IQCK: variants seen among roughly 807,000 people sequenced by gnomAD.
IQCK encodes the protein IQ domain-containing protein K.
A neutral mutation model predicts 28.1 loss-of-function variants in IQCK; 29 were observed. The ratio of observed to expected loss-of-function variants is 1.03; its 90% CI spans 0.77 to 1.41. The LOEUF (loss-of-function observed/expected upper bound fraction) is 1.41. IQCK is among the 40% of genes most tolerant of loss of function. The probability of loss-of-function intolerance (pLI) is 0.00; values close to 1 mark genes in which losing one functional copy is unlikely to be tolerated. For synonymous variants in IQCK, 113 were observed against 115.1 expected (o/e 0.98, Z 0.12); for missense variants, 359 against 314.7 (o/e 1.14, Z -1.07).
intron 4 of IQCK, among the ~76,000 whole-genome samples, chr16:19,759,759 C>G (rs2055110341): frequency 6.6e-6 from 1 of 152,156 alleles, no homozygotes. Flanking sequence ...GGGAGGATCA[C>G]TTGAGCGCAA....
chr16:19,816,750 A>G (rs566531560), intron 7 of IQCK, among the ~76,000 whole-genome samples: 2 of 152,238 alleles, frequency 1.3e-5, no homozygotes, highest in Non-Finnish European at 2.9e-5. Flanking sequence ...GTAAGATTCA[A>G]CCTCAGAGCT....
chr16:19,842,575 T>C (rs1410409801), intron 9 of IQCK, among the ~76,000 whole-genome samples: 1 of 152,210 alleles, frequency 6.6e-6, no homozygotes, highest in Non-Finnish European at 1.5e-5. Flanking sequence ...AATAAATCCG[T>C]ATGTGAAATG....
chr16:19,850,163 G>C (rs1429418790), intron 9 of IQCK, among the ~76,000 whole-genome samples: 1 of 152,186 alleles, frequency 6.6e-6, no homozygotes, highest in Non-Finnish European at 1.5e-5. Flanking sequence ...GGATGCGGAA[G>C]TGAACACCTT....
chr16:19,854,102 G>A (rs964887717), intron 9 of IQCK, among the ~76,000 whole-genome samples: 6 of 152,220 alleles, frequency 3.9e-5, no homozygotes, highest in African/African-American at 1.4e-4. Flanking sequence ...CAACACACAG[G>A]AGCTTTACCT....
At chr16:19,858,336 T>G in exon 10 of IQCK, 1 of 441,836 alleles carries the variant, frequency 2.3e-6, no homozygotes, top group Non-Finnish European at 4.0e-6. Flanking sequence ...GGGAAAAAGG[T>G]CTCATTAAAT....
chr16:19,720,978 C>T (rs1977476101), intron 1 of IQCK, among the ~76,000 whole-genome samples: 1 of 151,372 alleles, frequency 6.6e-6, no homozygotes, highest in African/African-American at 2.4e-5. Context: ...TGCCACTGCA[C>T]TCCAGCCTGG....
chr16:19,736,270 TTTTTTC>T, intron 4 of IQCK: 1 of 421,720 alleles, frequency 2.4e-6, no homozygotes, highest in African/African-American at 2.1e-5. Context: ...GTTTAGTATC[TTTTTTC>T]TTTTTGAGAC....
At chr16:19,798,403 C>T (rs1442419701) in intron 7 of IQCK, among the ~76,000 whole-genome samples, 1 of 117,910 alleles carries the variant, frequency 8.5e-6, no homozygotes, top group Non-Finnish European at 1.5e-5. Context: ...GGCGACAGAG[C>T]CAGAGTCCAT....
intron 4 of IQCK, 69 bp downstream of exon 4, chr16:19,735,519 A>C (rs1977986173): frequency 8.0e-7 from 1 of 1,243,112 alleles, no homozygotes; most frequent in Non-Finnish European, 1.2e-6. Context: ...ATGATAGCTC[A>C]TTATCTTGGT....
At chr16:19,727,548 C>G (rs534556195) in intron 1 of IQCK, among the ~76,000 whole-genome samples, 255 of 151,212 alleles carry the variant, frequency 1.7e-3, no homozygotes, top group African/African-American at 5.9e-3. Context: ...GATCGTGCCA[C>G]TGCACTCCAG....
intron 9 of IQCK, among the ~76,000 whole-genome samples, chr16:19,847,627 G>C (rs757132294): frequency 6.6e-6 from 1 of 152,114 alleles, no homozygotes; most frequent in Non-Finnish European, 1.5e-5. Flanking sequence ...TTATGTCTGG[G>C]AGATGCAGCT....
At chr16:19,723,976 A>G (rs1294290408) in intron 1 of IQCK, among the ~76,000 whole-genome samples, 5 of 151,036 alleles carry the variant, frequency 3.3e-5, no homozygotes, top group Non-Finnish European at 5.9e-5. Context: ...AAAAAAAAAA[A>G]GCAGCTTCCT....
At chr16:19,727,858 A>G (rs999376026) in intron 1 of IQCK, among the ~76,000 whole-genome samples, 3 of 152,056 alleles carry the variant, frequency 2.0e-5, no homozygotes, top group African/African-American at 7.2e-5. Context: ...GCCAGAGAGG[A>G]AAAAAATGGT....
intron 6 of IQCK, among the ~76,000 whole-genome samples, chr16:19,786,074 G>C (rs2055557863): frequency 6.6e-6 from 1 of 152,136 alleles, no homozygotes; most frequent in Admixed American, 6.5e-5. Flanking sequence ...GAATGCATTA[G>C]AGCATCATTC....
intron 7 of IQCK, among the ~76,000 whole-genome samples, chr16:19,812,396 G>A (rs908937065): frequency 6.6e-6 from 1 of 152,196 alleles, no homozygotes; most frequent in Non-Finnish European, 1.5e-5. Flanking sequence ...GCGGGTGTTT[G>A]TAAACTATAG....
intron 1 of IQCK, among the ~76,000 whole-genome samples, chr16:19,720,652 GAA>G (rs1396275420): frequency 2.0e-5 from 3 of 152,214 alleles, no homozygotes; most frequent in African/African-American, 4.8e-5. Flanking sequence ...CCTCTAGAGA[GAA>G]AGCAAAGACA....
At chr16:19,834,335 C>T (rs1567198125) in intron 9 of IQCK, among the ~76,000 whole-genome samples, 1 of 152,200 alleles carries the variant, frequency 6.6e-6, no homozygotes, top group Non-Finnish European at 1.5e-5. Flanking sequence ...TGGGAGGATA[C>T]ATGGCTTGCA....
At chr16:19,781,638 C>T (rs927623627) in intron 6 of IQCK, among the ~76,000 whole-genome samples, 2 of 152,320 alleles carry the variant, frequency 1.3e-5, no homozygotes, top group African/African-American at 4.8e-5. Flanking sequence ...CTGGGAGTAC[C>T]ATTCCAGATA....
chr16:19,751,741 C>G (rs1210258091), intron 4 of IQCK, among the ~76,000 whole-genome samples: 9 of 151,750 alleles, frequency 5.9e-5, no homozygotes, highest in Non-Finnish European at 1.3e-4. Context: ...CTCCAGATCC[C>G]TTGGTTTCTC....
Sources: gnomAD v4.1 joint callset for allele counts (sites outside exome capture counted in the v4.1 genomes callset) on GRCh38, gnomAD v4.1.1 for gene constraint, MANE v1.5 for transcripts, NCBI Gene and HGNC (gene_info 2026-07-23, HGNC 2026-07-21) for gene names.